The following NALCN variants were observed in gnomAD, a reference collection of about 807,000 sequenced individuals.
The protein encoded by NALCN is sodium leak channel NALCN.
A neutral mutation model predicts 225.3 loss-of-function variants in NALCN; 111 were observed. The ratio of observed to expected loss-of-function variants is 0.49; its 90% CI spans 0.42 to 0.58. NALCN has a LOEUF of 0.58. Among genes scored for constraint, NALCN ranks in the 20% least tolerant of loss-of-function variants. The pLI, the probability that NALCN is intolerant of heterozygous loss-of-function variation, is 0.00. For missense variants in NALCN, 1,378 were observed against 2,202.4 expected, an observed-to-expected ratio of 0.63 and a Z score of 7.49; for synonymous variants, 764 against 769.0, an observed-to-expected ratio of 0.99 and a Z score of 0.11.
Position 101,127,183 on chromosome 13 carries a change from C to A in NALCN, c.2119-2502G>T, listed in dbSNP as rs115149326. 3.3e-3 allele frequency among the ~76,000 whole-genome samples: 498 copies of A among 152,280 alleles called. 4 individuals are homozygous for A. The highest frequency in any genetic ancestry group is 0.011 in the African/African-American group (459 of 41,550). The stretch of plus-strand genomic sequence containing the variant: ...TTGCCTAAATGATTTCTGCCCTGCA[C>A]AAGATTGCTAAAAGGCTACTGAATG... On this transcript the variant is annotated intron_variant, in intron 17 of 43. Coordinates refer to ENST00000251127, the MANE Select transcript of NALCN (RefSeq NM_052867.4).
intron 3 of NALCN, among the ~76,000 whole-genome samples, chr13:101,391,478 T>C (rs1407251066): frequency 2.0e-5 from 3 of 150,522 alleles, no homozygotes; most frequent in Non-Finnish European, 4.4e-5. Flanking sequence ...AGTCTGGGAG[T>C]TGGAGACCAG....
chr13:101,069,153 A>G (rs1440895144), intron 37 of NALCN, among the ~76,000 whole-genome samples: 1 of 152,250 alleles, frequency 6.6e-6, no homozygotes, highest in Non-Finnish European at 1.5e-5. Flanking sequence ...ATCAAACTGC[A>G]GAAAATCAAA....
intron 10 of NALCN, among the ~76,000 whole-genome samples, chr13:101,269,231 T>C (rs1566509116): frequency 6.6e-6 from 1 of 150,426 alleles, no homozygotes; most frequent in Non-Finnish European, 1.5e-5. Flanking sequence ...TATATATATA[T>C]ATATATATAT....
chr13:101,176,290 C>A lies in NALCN; in HGVS notation c.1839+10G>T. 1 of 1,532,270 alleles carries A rather than the reference C, an allele frequency of 6.5e-7. No homozygotes were observed. The highest frequency in any genetic ancestry group is 1.3e-5 in the South Asian group (1 of 75,630). 94.9% of individuals were successfully genotyped at this position (1,532,270 alleles called of 1,614,324 possible). A position where few individuals can be genotyped will look rare whatever the true frequency, so the allele number is the denominator to read the frequency against. On this transcript the variant is annotated intron_variant, in intron 15 of 43. Transcript: ENST00000251127. ...TCCTTTTTAAAAAAAATCCCCCACA[C>A]ACTACTTACTTGTTTAAGCTTCTTT...
intron 18 of NALCN, among the ~76,000 whole-genome samples, chr13:101,116,177 C>T (rs1339047727): frequency 3.3e-5 from 5 of 151,962 alleles, no homozygotes. Flanking sequence ...AGCAAACACA[C>T]ATTCCCAGTT....
intron 12 of NALCN, among the ~76,000 whole-genome samples, chr13:101,235,861 A>G (rs1362242805): frequency 1.3e-5 from 2 of 152,176 alleles, no homozygotes; most frequent in Non-Finnish European, 2.9e-5. Flanking sequence ...GTGTCTAGTT[A>G]CCTGTGATCT....
At chr13:101,262,568 G>A (rs1258165105) in intron 10 of NALCN, among the ~76,000 whole-genome samples, 3 of 152,188 alleles carry the variant, frequency 2.0e-5, no homozygotes, top group African/African-American at 7.2e-5. Context: ...TGCCCTTACT[G>A]TCTGGTCTGA....
At chr13:101,198,642 C>T (rs1378648937) in intron 13 of NALCN, among the ~76,000 whole-genome samples, 4 of 152,134 alleles carry the variant, frequency 2.6e-5, no homozygotes, top group African/African-American at 9.7e-5. Context: ...CAGGAAACAA[C>T]AGGTGCTGGA....
chr13:101,187,741 A>G (rs1370626089), intron 14 of NALCN, among the ~76,000 whole-genome samples: 1 of 152,228 alleles, frequency 6.6e-6, no homozygotes, highest in Non-Finnish European at 1.5e-5. Context: ...TCTAAGTGAG[A>G]GTGTAAGAAC....
intron 17 of NALCN, among the ~76,000 whole-genome samples, chr13:101,142,136 G>GTT (rs2037113045): frequency 3.0e-5 from 3 of 101,072 alleles, no homozygotes; most frequent in Non-Finnish European, 4.1e-5. Context: ...TACATTCTAT[G>GTT]TCTTTTTTTT....
rs563295450 is a variant in NALCN, at chr13:101,371,314, C to G, written c.644+5386G>C. On this transcript the variant is annotated intron_variant, in intron 6 of 43. Transcript: ENST00000251127. ...GGCAGGTGCCTGTCCAACTTTTTTT[C>G]TTTCTTTCATTTTTACTTCTTAGAG... Among the ~76,000 whole-genome samples, 204 of 151,626 alleles carry G rather than the reference C, an allele frequency of 1.3e-3. 1 individual carries two copies. Among genetic ancestry groups the G allele is most frequent in the African/African-American group, 4.8e-3 (199 of 41,416 alleles).
At chr13:101,060,275 G>GTTTTTTTGTTTTTTTTT (rs2031763015) in intron 41 of NALCN, among the ~76,000 whole-genome samples, 1 of 79,852 alleles carries the variant, frequency 1.3e-5, no homozygotes, top group Non-Finnish European at 2.3e-5. Context: ...GGTGTTTTCT[G>GTTTTTTTGTTTTTTTTT]TTTTTTTTTT....
intron 13 of NALCN, among the ~76,000 whole-genome samples, chr13:101,204,125 A>T (rs1185155656): frequency 2.0e-5 from 3 of 152,206 alleles, no homozygotes; most frequent in Non-Finnish European, 2.9e-5. Context: ...AGCTATTTTT[A>T]TACATATCTC....
chr13:101,380,441 G>A (rs2046817136), intron 3 of NALCN, among the ~76,000 whole-genome samples: 1 of 152,064 alleles, frequency 6.6e-6, no homozygotes, highest in Non-Finnish European at 1.5e-5. Context: ...AAAACTTCAT[G>A]AGGTTAAAAA....
intron 1 of NALCN, among the ~76,000 whole-genome samples, chr13:101,400,094 T>C (rs1392741932): frequency 6.6e-6 from 1 of 152,024 alleles, no homozygotes; most frequent in Non-Finnish European, 1.5e-5. Context: ...GGGCATATAC[T>C]ATGTTTGGGA....
At chr13:101,127,053 TTG>T (rs1464823972) in intron 17 of NALCN, among the ~76,000 whole-genome samples, 4 of 152,244 alleles carry the variant, frequency 2.6e-5, no homozygotes, top group Non-Finnish European at 4.4e-5. Context: ...CATGTGTTAG[TTG>T]TCTTTCCTTC....
chr13:101,191,421 T>G (rs1410671019), intron 14 of NALCN, among the ~76,000 whole-genome samples: 1 of 152,056 alleles, frequency 6.6e-6, no homozygotes, highest in Non-Finnish European at 1.5e-5. Context: ...TTTTATTTTT[T>G]TCCATGTGTT....
chr13:101,385,521 A>G (rs574305848), intron 3 of NALCN, among the ~76,000 whole-genome samples: 1 of 152,306 alleles, frequency 6.6e-6, no homozygotes, highest in South Asian at 2.1e-4. Context: ...TGTTTGCCCC[A>G]GAATCACTAT....
At chr13:101,402,557 C>A (rs958334053) in intron 1 of NALCN, among the ~76,000 whole-genome samples, 2 of 152,194 alleles carry the variant, frequency 1.3e-5, no homozygotes, top group African/African-American at 4.8e-5. Context: ...TCCCTTGCAG[C>A]TCTCTTGGGT....
Sources: allele counts gnomAD v4.1 joint callset (sites outside exome capture counted in the v4.1 genomes callset), GRCh38; gene constraint gnomAD v4.1.1; transcripts MANE v1.5; gene names NCBI Gene and HGNC (gene_info 2026-07-23, HGNC 2026-07-21).